Variants in ADGRV1 observed in about 807,000 individuals in gnomAD.
ADGRV1 encodes the protein adhesion G protein-coupled receptor V1, also known as G-protein coupled receptor 98.
ADGRV1 carries 359 observed loss-of-function variants against 596.2 expected under a neutral mutation model. That is an observed-to-expected ratio of 0.60 (90% CI 0.55 to 0.66). The LOEUF is 0.66. Ranked by LOEUF, ADGRV1 falls within the 30% of genes least tolerant of loss-of-function variation. ADGRV1 has a pLI of 0.00. For missense variants in ADGRV1, 7,274 were observed against 7,575.6 expected (o/e 0.96, Z 1.48); for synonymous variants, 2,681 against 2,679.2 (o/e 1.00, Z -0.02).
chr5:90,675,682 G>T (rs910013529), intron 24 of ADGRV1, among the ~76,000 whole-genome samples: 1 of 152,080 alleles, frequency 6.6e-6, no homozygotes, highest in African/African-American at 2.4e-5. Context: ...CAGCTACTCT[G>T]GATGCTGAGG....
In ADGRV1 at chr5:90,629,418, G is replaced by T. The variant is rs200789563; in HGVS notation, c.1718G>T (p.Gly573Val). ...GAVDPLQAKE[G>V]ILNISRRNDL... ...GTGGACCCCTTGCAAGCAAAAGAAGGCATCTTAAATATATCAAGGAGAAAT... is the reference window on the plus strand; with the variant it reads ...GTGGACCCCTTGCAAGCAAAAGAAGTCATCTTAAATATATCAAGGAGAAAT... The change falls in exon 9 of 90, where the codon GGC becomes GTC. Residue 573 changes from glycine to valine, a missense_variant. By Grantham distance (109) the Gly-to-Val change is moderately radical. Around this residue, in one of 5 missense-constraint regions of ADGRV1, gnomAD observed 1,715 missense variants for 1,708.8 expected, o/e 1.00. Coordinates refer to ENST00000405460, the MANE Select transcript of ADGRV1 (RefSeq NM_032119.4). 376 of 1,613,500 alleles carry T rather than the reference G, an allele frequency of 2.3e-4. No homozygotes were observed. Among genetic ancestry groups the T allele is most frequent in the Admixed American group, 1.4e-3 (83 of 59,970 alleles).
At chr5:91,028,732 G>GTTT (rs397998676) in intron 85 of ADGRV1, among the ~76,000 whole-genome samples, 3,477 of 95,866 alleles carry the variant, frequency 0.036, 385 homozygotes, top group African/African-American at 0.13. Flanking sequence ...ACTAGACTCT[G>GTTT]TTTTTTTTTT....
chr5:90,687,002 A>G (rs1745753051), intron 29 of ADGRV1, among the ~76,000 whole-genome samples: 1 of 152,156 alleles, frequency 6.6e-6, no homozygotes, highest in Admixed American at 6.5e-5. Context: ...TTTTGGCTGC[A>G]TAAATGTCTT....
intron 83 of ADGRV1, among the ~76,000 whole-genome samples, chr5:90,927,252 T>A (rs1425949306): frequency 6.6e-5 from 10 of 151,202 alleles, no homozygotes; most frequent in Non-Finnish European, 1.3e-4. Flanking sequence ...TCTCCCATTA[T>A]TAATGTGTGG....
At chr5:90,743,052 G>A (rs1754162163) in intron 50 of ADGRV1, among the ~76,000 whole-genome samples, 1 of 152,160 alleles carries the variant, frequency 6.6e-6, no homozygotes, top group Non-Finnish European at 1.5e-5. Context: ...GTCTTGGTTT[G>A]CTGATATACA....
intron 79 of ADGRV1, among the ~76,000 whole-genome samples, chr5:90,850,304 G>A (rs1270975774): frequency 6.6e-6 from 1 of 152,120 alleles, no homozygotes; most frequent in Non-Finnish European, 1.5e-5. Context: ...AGTGAGTCCT[G>A]GAAATTGAGG....
At chr5:91,018,724 A>G (rs1783381662) in intron 85 of ADGRV1, among the ~76,000 whole-genome samples, 1 of 152,002 alleles carries the variant, frequency 6.6e-6, no homozygotes. Context: ...CTGATTCAAT[A>G]AATAAATATC....
chr5:90,727,730 A>T (rs996149969), intron 48 of ADGRV1, among the ~76,000 whole-genome samples: 4 of 152,134 alleles, frequency 2.6e-5, no homozygotes. Context: ...TGTTTAGGTG[A>T]TTAATTATAT....
intron 70 of ADGRV1, chr5:90,792,302 G>A (rs1311382866): frequency 6.6e-6 from 1 of 152,204 alleles, no homozygotes; most frequent in Non-Finnish European, 1.5e-5. Context: ...TTCAGCCAGT[G>A]TCAGCTTAGT....
chr5:90,897,052 T>G (rs1302196985), intron 83 of ADGRV1, among the ~76,000 whole-genome samples: 1 of 152,258 alleles, frequency 6.6e-6, no homozygotes, highest in Non-Finnish European at 1.5e-5. Context: ...ATGTATTTGC[T>G]TCTGAAATAG....
chr5:91,108,300 G>GT (rs1792067778), intron 87 of ADGRV1, among the ~76,000 whole-genome samples: 1 of 151,942 alleles, frequency 6.6e-6, no homozygotes, highest in South Asian at 2.1e-4. Flanking sequence ...ACACTTGTTT[G>GT]TTTTTTTACC....
At chr5:90,733,740 A>G (rs1273613570) in intron 50 of ADGRV1, among the ~76,000 whole-genome samples, 1 of 152,212 alleles carries the variant, frequency 6.6e-6, no homozygotes, top group Admixed American at 6.5e-5. Flanking sequence ...ATGGAATATT[A>G]AATCAAGCTA....
chr5:90,987,690 A>G (rs1175303200), intron 85 of ADGRV1, among the ~76,000 whole-genome samples: 1 of 152,066 alleles, frequency 6.6e-6, no homozygotes, highest in Non-Finnish European at 1.5e-5. Context: ...ATTTTAAAGC[A>G]TGCCATTTCT....
At chr5:90,707,822 C>G (rs895636102) in intron 38 of ADGRV1, among the ~76,000 whole-genome samples, 1 of 151,854 alleles carries the variant, frequency 6.6e-6, no homozygotes, top group Admixed American at 6.6e-5. Context: ...TTTTCTGCTC[C>G]CTGATTAGCA....
intron 85 of ADGRV1, among the ~76,000 whole-genome samples, chr5:91,005,866 C>T (rs557232714): frequency 6.6e-6 from 1 of 152,270 alleles, no homozygotes; most frequent in African/African-American, 2.4e-5. Flanking sequence ...TTTGCCTCTA[C>T]CATCGCTATA....
intron 1 of ADGRV1, among the ~76,000 whole-genome samples, chr5:90,570,164 C>T (rs539658329): frequency 1.3e-5 from 2 of 152,020 alleles, no homozygotes; most frequent in Non-Finnish European, 2.9e-5. Context: ...TTTGTTTATC[C>T]AGGAAAGTCT....
At chr5:90,740,860 G>A (rs1039112834) in intron 50 of ADGRV1, among the ~76,000 whole-genome samples, 1 of 152,154 alleles carries the variant, frequency 6.6e-6, no homozygotes, top group South Asian at 2.1e-4. Flanking sequence ...GGACTGTGCT[G>A]GCTTGGGGGA....
At chr5:90,696,568 C>G (rs1023503568) in intron 33 of ADGRV1, among the ~76,000 whole-genome samples, 1 of 152,034 alleles carries the variant, frequency 6.6e-6, no homozygotes, top group African/African-American at 2.4e-5. Flanking sequence ...ACTCCACTTT[C>G]CTAAAGGGAG....
At chr5:90,646,705 C>T (rs906033994) in intron 16 of ADGRV1, among the ~76,000 whole-genome samples, 1 of 151,188 alleles carries the variant, frequency 6.6e-6, no homozygotes, top group Admixed American at 6.6e-5. Flanking sequence ...GTTAATTTAC[C>T]TAATGCAGGA....
Sources: allele counts gnomAD v4.1 joint callset (sites outside exome capture counted in the v4.1 genomes callset), GRCh38; gene constraint gnomAD v4.1.1; regional missense constraint gnomAD v4.1.1; transcripts MANE v1.5; gene names NCBI Gene and HGNC (gene_info 2026-07-23, HGNC 2026-07-21).